Variants in STK3 observed in about 807,000 individuals in gnomAD.
STK3 encodes serine/threonine kinase 3.
In STK3, 41 loss-of-function variants were observed where a neutral mutation model predicts 58.0. That is an observed-to-expected ratio of 0.71 (90% confidence interval 0.55 to 0.92). STK3 has a LOEUF of 0.92. Ranked by LOEUF, STK3 falls within the 40% of genes least tolerant of loss-of-function variation. The pLI is 0.00. For missense variants in STK3, 479 were observed against 602.7 expected (o/e 0.79, Z 2.15); for synonymous variants, 170 against 191.0 (o/e 0.89, Z 0.91).
intron 3 of STK3, among the ~76,000 whole-genome samples, chr8:98,406,960 G>A (rs746296264): frequency 3.7e-4 from 57 of 152,156 alleles, no homozygotes; most frequent in Non-Finnish European, 6.8e-4. Flanking sequence ...CAGCCTTAGC[G>A]TCCCTGAGTT....
chr8:98,918,044 C>G (rs1564103757), intron 1 of STK3, among the ~76,000 whole-genome samples: 3 of 152,198 alleles, frequency 2.0e-5, no homozygotes, highest in African/African-American at 7.2e-5. Context: ...TATGTATTAT[C>G]TCATTCAGTC....
intron 1 of STK3, among the ~76,000 whole-genome samples, chr8:98,926,967 G>C (rs1283166288): frequency 2.6e-5 from 4 of 152,228 alleles, no homozygotes; most frequent in African/African-American, 9.7e-5. Context: ...CCCGAATGCA[G>C]ACTAGGCTGT....
intron 3 of STK3, among the ~76,000 whole-genome samples, chr8:98,757,242 G>A (rs1042314379): frequency 5.3e-5 from 8 of 150,720 alleles, no homozygotes; most frequent in Non-Finnish European, 7.4e-5. Flanking sequence ...GTGCATTGGC[G>A]CGATCTCGGC....
At chr8:98,605,609 C>A (rs1483647336) in intron 6 of STK3, among the ~76,000 whole-genome samples, 1 of 152,010 alleles carries the variant, frequency 6.6e-6, no homozygotes, top group Admixed American at 6.6e-5. Context: ...TCCGTCTATA[C>A]TAGTTTTCTA....
At chr8:98,604,515 A>G (rs1816617600) in intron 6 of STK3, among the ~76,000 whole-genome samples, 1 of 152,200 alleles carries the variant, frequency 6.6e-6, no homozygotes, top group Admixed American at 6.5e-5. Context: ...GCAGTACTCC[A>G]GTGAAGACTC....
chr8:98,859,193 G>A (rs1213880536), intron 3 of STK3, among the ~76,000 whole-genome samples: 1 of 152,076 alleles, frequency 6.6e-6, no homozygotes, highest in Non-Finnish European at 1.5e-5. Flanking sequence ...AAGGTAGTAG[G>A]GCAGAGACAT....
chr8:98,417,955 G>A (rs1342852044), intron 3 of STK3, among the ~76,000 whole-genome samples: 7 of 152,034 alleles, frequency 4.6e-5, no homozygotes, highest in Non-Finnish European at 8.8e-5. Context: ...TGTTGCCCAG[G>A]CTGGAGTGCA....
At chr8:98,692,585 T>A (rs770563698) in intron 6 of STK3, among the ~76,000 whole-genome samples, 5 of 152,186 alleles carry the variant, frequency 3.3e-5, no homozygotes, top group Non-Finnish European at 7.3e-5. Context: ...GGAGAATTAT[T>A]GTTTAATGGG....
chr8:98,859,470 T>C (rs1836846365), intron 3 of STK3, among the ~76,000 whole-genome samples: 1 of 152,222 alleles, frequency 6.6e-6, no homozygotes, highest in Non-Finnish European at 1.5e-5. Context: ...ATTTGATTGC[T>C]GAGTCACAAT....
chr8:98,803,223 A>G lies in STK3; in HGVS notation c.26+22292T>C, dbSNP rs144845534. Reference sequence around the variant, plus strand: ...ATTACTTCATGAAATGCATTCAATAAAATCATCTTATACACTGAAAAAAGA... The same window carrying G: ...ATTACTTCATGAAATGCATTCAATAGAATCATCTTATACACTGAAAAAAGA... On this transcript the variant is annotated intron_variant, in intron 1 of 10. Transcript: ENST00000419617. 2.6e-3 allele frequency among the ~76,000 whole-genome samples: 395 copies of G among 152,318 alleles called. 2 individuals carry two copies. The highest frequency in any genetic ancestry group is 4.7e-3 in the Non-Finnish European group (322 of 68,034).
At position 98,547,999 on chromosome 8, in the gene STK3, C is replaced by T. The variant is rs369783350; in HGVS notation, c.1111G>A (p.Asp371Asn). The change falls in exon 9 of 11, where the codon GAT (aspartate) becomes AAT (asparagine). Residue 371 changes from aspartate to asparagine, a missense_variant. Transcript: ENST00000419617. The stretch of plus-strand genomic sequence containing the variant: ...ATAGTTCCATCTTCTTCTTCCTCAT[C>T]CTCACTGTTTATCACCATGGTCCCC... ...DLGTMVINSE[D>N]EEEEDGTMKR... The T allele has an allele frequency of 2.1e-5, 33 of 1,603,356 alleles. No individual in the cohort carries two copies. In the East Asian group the frequency reaches 5.4e-4, roughly 26 times the overall value.
At chr8:98,692,693 A>G (rs993965142) in intron 6 of STK3, among the ~76,000 whole-genome samples, 26 of 152,250 alleles carry the variant, frequency 1.7e-4, no homozygotes, top group African/African-American at 3.6e-4. Flanking sequence ...AATTGTATAG[A>G]GTACTTTAAA....
intron 3 of STK3, among the ~76,000 whole-genome samples, chr8:98,846,702 G>T (rs1393932695): frequency 2.0e-5 from 3 of 152,092 alleles, no homozygotes; most frequent in Non-Finnish European, 4.4e-5. Flanking sequence ...ATTCTAATTG[G>T]TTTTATTATA....
upstream of STK3, among the ~76,000 whole-genome samples, chr8:98,826,024 G>T (rs2131765326): frequency 6.6e-6 from 1 of 151,684 alleles, no homozygotes; most frequent in Non-Finnish European, 1.5e-5. Flanking sequence ...AGGCCTGGCT[G>T]GCCCCAGAGC....
At chr8:98,387,952 T>C (rs1304043891) in intron 1 of STK3, among the ~76,000 whole-genome samples, 2 of 150,352 alleles carry the variant, frequency 1.3e-5, no homozygotes, top group African/African-American at 4.9e-5. Flanking sequence ...GCAAAGACTA[T>C]GGCAATCACA....
At chr8:98,352,817 T>C in the STK3 span, among the ~76,000 whole-genome samples, 1 of 152,166 alleles carries the variant, frequency 6.6e-6, no homozygotes, top group Non-Finnish European at 1.5e-5. Context: ...AAATACAGCA[T>C]CTTAGGTGGA....
At chr8:98,825,689 C>T (rs538221042), upstream of STK3, 759 of 1,084,392 alleles carry the variant, frequency 7.0e-4, 9 homozygotes, top group East Asian at 5.0e-4. Flanking sequence ...CGGCGGATCT[C>T]CCTCCCGCTT....
At chr8:98,607,562 T>C (rs1435112046) in intron 6 of STK3, among the ~76,000 whole-genome samples, 2 of 152,244 alleles carry the variant, frequency 1.3e-5, no homozygotes, top group African/African-American at 2.4e-5. Flanking sequence ...AGCATCTTTT[T>C]AGCATTTTGT....
intron 1 of STK3, among the ~76,000 whole-genome samples, chr8:98,781,015 G>A (rs1245117491): frequency 6.6e-6 from 1 of 152,134 alleles, no homozygotes; most frequent in East Asian, 1.9e-4. Context: ...TAGCCACCAG[G>A]TTTATGACAG....
Sources: allele counts gnomAD v4.1 joint callset (sites outside exome capture counted in the v4.1 genomes callset), GRCh38; gene constraint gnomAD v4.1.1; transcripts MANE v1.5; gene names NCBI Gene and HGNC (gene_info 2026-07-23, HGNC 2026-07-21).